TNS1: variants seen among roughly 807,000 people sequenced by gnomAD.
TNS1 encodes tensin 1.
TNS1 carries 62 observed loss-of-function variants against 168.6 expected under a neutral mutation model. The ratio of observed to expected loss-of-function variants is 0.37; its 90% CI spans 0.30 to 0.45. TNS1 has a LOEUF of 0.45. TNS1 is among the 20% of genes least tolerant of loss of function. The probability of loss-of-function intolerance (pLI) is 1.00; values close to 1 mark genes in which losing one functional copy is unlikely to be tolerated. For synonymous variants in TNS1, 934 were observed against 933.2 expected (o/e 1.00, Z -0.02); for missense variants, 2,240 against 2,339.4 (o/e 0.96, Z 0.88).
chr2:217,809,268 G>C (rs867604663), intron 30 of TNS1, among the ~76,000 whole-genome samples: 4 of 53,374 alleles, frequency 7.5e-5, no homozygotes, highest in Admixed American at 2.0e-4. Context: ...TGGATGGATG[G>C]ATGGATGGAT....
In TNS1 at chr2:217,880,295, G is replaced by A. The variant is rs138992369; in HGVS notation, c.1429+603C>T. 5.9e-5 allele frequency among the ~76,000 whole-genome samples: 9 copies of A among 152,332 alleles called. No homozygotes were observed. In the East Asian group the frequency reaches 1.5e-3, roughly 26 times the overall value. Reference sequence around the variant, plus strand: ...TTAGGTTTGTAGCTAAATTAAACATGTATTAATTTCAATTCTGCTGCTTTC... The same window carrying A: ...TTAGGTTTGTAGCTAAATTAAACATATATTAATTTCAATTCTGCTGCTTTC... On this transcript the variant is annotated intron_variant, in intron 18 of 32. Coordinates refer to ENST00000682258, the MANE Select transcript of TNS1 (RefSeq NM_001387777.1). The surrounding 1 kb of genome is among the most constrained non-coding windows in gnomAD (Gnocchi z 4.2).
intron 1 of TNS1, among the ~76,000 whole-genome samples, chr2:217,993,644 C>T (rs1352359136): frequency 6.6e-6 from 1 of 152,244 alleles, no homozygotes; most frequent in African/African-American, 2.4e-5. Context: ...AGCAAAAAGA[C>T]TTGGCAACCG....
rs6436018 is a variant in TNS1, at chr2:217,891,827, A to C, written c.783-782T>G. Reference sequence around the variant, plus strand: ...TTCCTCTTCTCTCAGTGTGCAGGGCACATCCCACAGGCTTGATAAGGCTCA... The same window carrying C: ...TTCCTCTTCTCTCAGTGTGCAGGGCCCATCCCACAGGCTTGATAAGGCTCA... On this transcript the variant is annotated intron_variant, in intron 11 of 32. Transcript: ENST00000682258. Among the ~76,000 whole-genome samples, 3 of 152,240 alleles carry C rather than the reference A, an allele frequency of 2.0e-5. No homozygotes were observed. The East Asian group carries it at 5.8e-4, about 30-fold the overall frequency.
At position 217,830,391 on chromosome 2, in the gene TNS1, C is replaced by G. The variant is rs201917298; in HGVS notation, c.3373+1064G>C. 1.0e-4 allele frequency: 161 copies of G among 1,614,100 alleles called. No individual in the cohort carries two copies. In the East Asian group the frequency reaches 3.6e-3, roughly 36 times the overall value. ...CCTGGCTGGATCCGTCTTCTGGTAA[C>G]TAAGGAAAAAAGTAAAGTTGACCCC... On this transcript the variant is annotated intron_variant, in intron 22 of 32. Transcript: ENST00000682258.
At chr2:217,939,519 T>C (rs1025156013) in intron 3 of TNS1, among the ~76,000 whole-genome samples, 1 of 152,222 alleles carries the variant, frequency 6.6e-6, no homozygotes, top group Admixed American at 6.5e-5. Context: ...CACAGAACGC[T>C]GTGGGGTCCC....
chr2:217,829,211 A>T (rs528259641), intron 22 of TNS1, among the ~76,000 whole-genome samples: 139 of 77,386 alleles, frequency 1.8e-3, no homozygotes, highest in African/African-American at 9.2e-3. Context: ...CCCCATCTCT[A>T]CTAAAAATAC....
chr2:217,835,553 C>T (rs964175783), intron 20 of TNS1, among the ~76,000 whole-genome samples: 1 of 152,212 alleles, frequency 6.6e-6, no homozygotes, highest in African/African-American at 2.4e-5. Flanking sequence ...ACAAGCTCCC[C>T]ATTGGTTGTT....
At chr2:217,857,052 C>T (rs777826957) in intron 18 of TNS1, among the ~76,000 whole-genome samples, 12 of 152,184 alleles carry the variant, frequency 7.9e-5, no homozygotes, top group African/African-American at 1.4e-4. Flanking sequence ...AAGACCCACA[C>T]GGAGCCCAAA....
intron 3 of TNS1, among the ~76,000 whole-genome samples, chr2:217,924,318 A>G (rs77109122): frequency 0.034 from 5,180 of 151,900 alleles, 130 homozygotes; most frequent in African/African-American, 0.071. Context: ...TCTCTCTCAC[A>G]CACACACACA....
rs191856637 is a variant in TNS1, at chr2:217,974,057, T to C, written c.186+4708A>G. ...AAAGCAAACATACTGTGTGATTCCA[T>C]TTCGATGAACATTCAAGAACAGGCA... On this transcript the variant is annotated intron_variant, in intron 3 of 32. Coordinates refer to ENST00000682258, the MANE Select transcript of TNS1 (RefSeq NM_001387777.1). 7.2e-5 allele frequency among the ~76,000 whole-genome samples: 11 copies of C among 152,362 alleles called. No individual in the cohort carries two copies. The East Asian group carries it at 1.7e-3, about 24-fold the overall frequency.
At chr2:217,821,596 T>G in intron 23 of TNS1, 144 bp downstream of exon 23, 13 of 765,126 alleles carry the variant, frequency 1.7e-5, no homozygotes, top group South Asian at 3.0e-5. Flanking sequence ...TGCACCTTGA[T>G]GAACTGGTTT....
chr2:217,827,509 C>T (rs1006269060), intron 22 of TNS1, among the ~76,000 whole-genome samples: 7 of 152,170 alleles, frequency 4.6e-5, no homozygotes, highest in South Asian at 2.1e-4. Context: ...GCCCCTTCCC[C>T]GCTCCACTCC....
intron 17 of TNS1, chr2:217,882,096 C>A: frequency 1.1e-5 from 4 of 373,384 alleles, no homozygotes; most frequent in Non-Finnish European, 1.9e-5. Context: ...AGGCTGATGA[C>A]CTAATGGGAC....
intron 18 of TNS1, among the ~76,000 whole-genome samples, chr2:217,875,288 G>C (rs753436907): frequency 6.6e-6 from 1 of 152,132 alleles, no homozygotes; most frequent in Non-Finnish European, 1.5e-5. Context: ...TGTCACTGTG[G>C]CATAATTGAG....
chr2:217,818,110 G>T lies in TNS1; in HGVS notation c.4222C>A (p.Leu1408Ile). The T allele has an allele frequency of 6.2e-7, 1 of 1,613,958 alleles. No individual in the cohort carries two copies. Among genetic ancestry groups the T allele is most frequent in the Non-Finnish European group, 8.5e-7 (1 of 1,179,956 alleles). ...SPGSPSLGRHLGGSGSVVPGS... is the reference protein window; with the variant it reads ...SPGSPSLGRHIGGSGSVVPGS... ...GGAACCACAGATCCAGACCCTCCGA[G>T]GTGACGGCCCAGGCTGGGGCTTCCA... is the stretch of plus-strand genomic sequence containing the variant. The change falls in exon 24 of 33, where the codon CTC (leucine) becomes ATC (isoleucine). Residue 1408 changes from leucine to isoleucine, a missense_variant. Around this residue, in one of 2 missense-constraint regions of TNS1, gnomAD observed 2,131 missense variants for 2,171.2 expected, o/e 0.98. Coordinates refer to ENST00000682258, the MANE Select transcript of TNS1 (RefSeq NM_001387777.1).
At chr2:217,879,363 G>A in intron 18 of TNS1, 1 of 430,304 alleles carries the variant, frequency 2.3e-6, no homozygotes, top group East Asian at 7.5e-5. Flanking sequence ...TAGGCTGGCA[G>A]CCACTGAAAC....
chr2:217,875,254 G>C (rs763540332), intron 18 of TNS1, among the ~76,000 whole-genome samples: 2 of 152,166 alleles, frequency 1.3e-5, no homozygotes, highest in Non-Finnish European at 2.9e-5. Flanking sequence ...GTTGGGTCAG[G>C]CCCACTGAGA....
rs900419381 is a variant in TNS1 at position 218,032,508 on chromosome 2, G to A, written c.156+1312C>T. Among the ~76,000 whole-genome samples, 4 of 152,208 alleles carry A rather than the reference G, an allele frequency of 2.6e-5. No individual in the cohort carries two copies. The highest frequency in any genetic ancestry group is 9.6e-5 in the African/African-American group (4 of 41,462). ...GATGCTGGGCCTACGGCAGGGCCTGGGGCAGGAATGGGGGGTGTGTCTGCA... is the reference window on the plus strand; with the variant it reads ...GATGCTGGGCCTACGGCAGGGCCTGAGGCAGGAATGGGGGGTGTGTCTGCA... On this transcript the variant is annotated intron_variant, in intron 1 of 1. Coordinates refer to the TNS1 transcript ENST00000649572. This position sits in a 1 kb window ranked among gnomAD's most constrained non-coding sequence, Gnocchi z 4.0.
intron 3 of TNS1, among the ~76,000 whole-genome samples, chr2:217,930,157 A>G (rs1207186179): frequency 6.6e-6 from 1 of 152,206 alleles, no homozygotes; most frequent in Non-Finnish European, 1.5e-5. Context: ...TTCATTCAAT[A>G]CGGCGCACTC....
Sources: gnomAD v4.1 joint callset for allele counts (sites outside exome capture counted in the v4.1 genomes callset) on GRCh38, gnomAD v4.1.1 for gene constraint, gnomAD v4.1.1 regional missense constraint, Gnocchi (gnomAD v3.1) non-coding constraint, MANE v1.5 for transcripts, NCBI Gene and HGNC (gene_info 2026-07-23, HGNC 2026-07-21) for gene names.